TRMT11: variants seen among roughly 807,000 people sequenced by gnomAD.
TRMT11 encodes tRNA (guanine(10)-N(2))-methyltransferase TRMT11.
TRMT11 carries 53 observed loss-of-function variants against 62.8 expected under a neutral mutation model. The observed-to-expected ratio is 0.84, with a 90% confidence interval of 0.68 to 1.06. The LOEUF is 1.06. Ranked by LOEUF, TRMT11 falls within the 50% of genes least tolerant of loss-of-function variation. TRMT11 has a pLI of 0.00. For missense variants in TRMT11, 556 were observed against 553.4 expected (o/e 1.00, Z -0.05); for synonymous variants, 188 against 190.3 (o/e 0.99, Z 0.10).
At chr6:126,028,510 G>A (rs1773604618) in intron 12 of TRMT11, among the ~76,000 whole-genome samples, 2 of 152,152 alleles carry the variant, frequency 1.3e-5, no homozygotes, top group Admixed American at 1.3e-4. Context: ...ACTCGGAGAA[G>A]CAGACAGTAG....
chr6:126,103,147 C>A (rs753652885), intron 17 of TRMT11, among the ~76,000 whole-genome samples: 1 of 152,198 alleles, frequency 6.6e-6, no homozygotes, highest in Non-Finnish European at 1.5e-5. Context: ...TCTCTTCCCA[C>A]AGCATACTTG....
chr6:126,130,008 A>C (rs1375670657), intron 21 of TRMT11, among the ~76,000 whole-genome samples: 2 of 152,108 alleles, frequency 1.3e-5, no homozygotes, highest in African/African-American at 4.8e-5. Flanking sequence ...ATAGAGATGG[A>C]GGACTCAGCA....
chr6:126,078,205 A>G (rs1777074720), intron 17 of TRMT11, among the ~76,000 whole-genome samples: 1 of 152,214 alleles, frequency 6.6e-6, no homozygotes, highest in Non-Finnish European at 1.5e-5. Flanking sequence ...GAGAGAGGGC[A>G]CTTTGAGAAT....
At chr6:126,244,402 G>A in the TRMT11 span, among the ~76,000 whole-genome samples, 40 of 152,066 alleles carry the variant, frequency 2.6e-4, no homozygotes, top group East Asian at 3.5e-3. Context: ...TCTCTTCCCC[G>A]CCTTTCACTT....
intron 21 of TRMT11, among the ~76,000 whole-genome samples, chr6:126,142,218 A>G (rs1368408779): frequency 6.6e-6 from 1 of 152,004 alleles, no homozygotes; most frequent in Admixed American, 6.6e-5. Flanking sequence ...AATATACTGG[A>G]GAGAGGAGGG....
chr6:126,131,793 C>CT (rs202204852), intron 21 of TRMT11, among the ~76,000 whole-genome samples: 11 of 148,820 alleles, frequency 7.4e-5, no homozygotes, highest in East Asian at 2.0e-4. Flanking sequence ...CATTGATTAT[C>CT]TTTTTTTTTT....
the TRMT11 span, among the ~76,000 whole-genome samples, chr6:126,237,972 C>T: frequency 6.6e-6 from 1 of 152,150 alleles, no homozygotes; most frequent in Non-Finnish European, 1.5e-5. Flanking sequence ...TTATCCATTT[C>T]TTCTAGATTT....
chr6:125,990,847 AGTTGTGAGGTG>A (rs551648921), intron 1 of TRMT11, among the ~76,000 whole-genome samples: 146 of 152,206 alleles, frequency 9.6e-4, no homozygotes, highest in African/African-American at 3.4e-3. Context: ...TTTACATTTC[AGTTGTGAGGTG>A]GTTTTGTTGG....
At chr6:126,008,900 A>C (rs532075674) in intron 8 of TRMT11, among the ~76,000 whole-genome samples, 1 of 151,966 alleles carries the variant, frequency 6.6e-6, no homozygotes, top group African/African-American at 2.4e-5. Flanking sequence ...TCAAATACAA[A>C]ATTGTGATAT....
chr6:126,152,951 C>A (rs754879313), intron 21 of TRMT11, among the ~76,000 whole-genome samples: 8 of 152,112 alleles, frequency 5.3e-5, no homozygotes, highest in Non-Finnish European at 1.5e-5. Context: ...GAGTCTAAAC[C>A]CATTTTTGAC....
At chr6:126,266,324 A>G in the TRMT11 span, among the ~76,000 whole-genome samples, 4 of 152,328 alleles carry the variant, frequency 2.6e-5, no homozygotes, top group Non-Finnish European at 4.4e-5. Context: ...ATATATGACT[A>G]AATCACTTAT....
At chr6:126,265,378 A>T in the TRMT11 span, among the ~76,000 whole-genome samples, 1 of 152,176 alleles carries the variant, frequency 6.6e-6, no homozygotes, top group African/African-American at 2.4e-5. Flanking sequence ...TTTATAAATT[A>T]TCCCAAAGTT....
chr6:126,165,278 A>C (rs915916055), intron 21 of TRMT11, among the ~76,000 whole-genome samples: 1 of 47,460 alleles, frequency 2.1e-5, no homozygotes, highest in Non-Finnish European at 6.7e-5. Context: ...ACCGTGCCTC[A>C]AAAAAAAAAA....
chr6:126,235,901 T>C, the TRMT11 span, among the ~76,000 whole-genome samples: 24 of 152,226 alleles, frequency 1.6e-4, no homozygotes, highest in African/African-American at 5.8e-4. Context: ...GTTTGACAGT[T>C]GAGTCATTCT....
chr6:126,223,604 G>A, the TRMT11 span, among the ~76,000 whole-genome samples: 13 of 151,982 alleles, frequency 8.6e-5, no homozygotes, highest in Non-Finnish European at 1.6e-4. Flanking sequence ...TTTCTCTCAC[G>A]TTGACCTTGC....
intron 2 of TRMT11, among the ~76,000 whole-genome samples, chr6:126,199,277 A>G (rs1778708245): frequency 6.6e-6 from 1 of 152,238 alleles, no homozygotes; most frequent in South Asian, 2.1e-4. Flanking sequence ...TGGCAGAAGC[A>G]TCTATGTGTA....
intron 12 of TRMT11, among the ~76,000 whole-genome samples, chr6:126,027,333 A>T (rs1339629866): frequency 6.6e-6 from 1 of 152,200 alleles, no homozygotes; most frequent in Non-Finnish European, 1.5e-5. Flanking sequence ...CATAGAATCT[A>T]CTTGAACAGA....
At chr6:126,067,994 A>G (rs1384147047) in intron 17 of TRMT11, among the ~76,000 whole-genome samples, 1 of 152,188 alleles carries the variant, frequency 6.6e-6, no homozygotes, top group Non-Finnish European at 1.5e-5. Flanking sequence ...GTTAGTTTTT[A>G]TCATATCCAC....
intron 1 of TRMT11, among the ~76,000 whole-genome samples, chr6:126,185,639 T>C (rs1414542299): frequency 6.6e-6 from 1 of 152,222 alleles, no homozygotes; most frequent in African/African-American, 2.4e-5. Flanking sequence ...AATGAGACCA[T>C]AATTTAAGAT....
Sources: allele counts gnomAD v4.1 joint callset (sites outside exome capture counted in the v4.1 genomes callset), GRCh38; gene constraint gnomAD v4.1.1; transcripts MANE v1.5; gene names NCBI Gene and HGNC (gene_info 2026-07-23, HGNC 2026-07-21).